ANHX: variants seen among roughly 807,000 people sequenced by gnomAD.
The protein encoded by ANHX is anomalous homeobox protein.
Under a neutral mutation model 38.9 loss-of-function variants are expected in ANHX, and 20 were observed. That is an observed-to-expected ratio of 0.51 (90% confidence interval 0.36 to 0.75). ANHX has a LOEUF of 0.75. Among genes scored for constraint, ANHX ranks in the 30% least tolerant of loss-of-function variants. The pLI is 0.00. For synonymous variants in ANHX, 185 were observed against 203.1 expected, an observed-to-expected ratio of 0.91 and a Z score of 0.76; for missense variants, 475 against 493.1, an observed-to-expected ratio of 0.96 and a Z score of 0.35.
Position 133,218,929 on chromosome 12 carries a change from CCCAGAAGGCATCA to C in ANHX, c.1395_1407del (p.Asp466GlufsTer79). On this transcript the variant is annotated frameshift_variant, in exon 10 of 10. Transcript: ENST00000545940. LOFTEE classifies it high-confidence loss of function. Reference sequence around the variant, plus strand: ...GAAAACTCAAGGAGCATCCTGGCTCCCCAGAAGGCATCACCAGAGGCCTGGCTATCAGAACACT... The same window carrying C: ...GAAAACTCAAGGAGCATCCTGGCTCCCCAGAGGCCTGGCTATCAGAACACT... The C allele has an allele frequency of 2.6e-6, 4 of 1,534,510 alleles. No homozygotes were observed. The highest frequency in any genetic ancestry group is 3.5e-6 in the Non-Finnish European group (4 of 1,145,770).
At chr12:133,232,286 C>T (rs140621162) in intron 2 of ANHX, among the ~76,000 whole-genome samples, 1,693 of 152,346 alleles carry the variant, frequency 0.011, 29 homozygotes, top group African/African-American at 0.038. Flanking sequence ...TCTCCCGTGA[C>T]TCCTGTGTGG....
chr12:133,226,864 C>T (rs920677134), intron 5 of ANHX, 72 bp downstream of exon 5: 1 of 1,368,740 alleles, frequency 7.3e-7, no homozygotes, highest in Non-Finnish European at 9.6e-7. Flanking sequence ...AGCAGTGTGA[C>T]TACCTAGGCC....
At position 133,222,983 on chromosome 12, in the gene ANHX, G is replaced by A. The variant is rs1222680910; in HGVS notation, c.1133-1631C>T. Among the ~76,000 whole-genome samples, 6 of 152,268 alleles carry A rather than the reference G, an allele frequency of 3.9e-5. 1 individual carries two copies. Among genetic ancestry groups the A allele is most frequent in the Admixed American group, 3.9e-4 (6 of 15,294 alleles). On this transcript the variant is annotated intron_variant, in intron 7 of 9. Coordinates refer to ENST00000545940, the MANE Select transcript of ANHX (RefSeq NM_001372060.1). Reference sequence around the variant, plus strand: ...AGGCAGGTGGATTACTTGAGATCAGGAGTTCGAGACCAGCCTGACCAACAT... The same window carrying A: ...AGGCAGGTGGATTACTTGAGATCAGAAGTTCGAGACCAGCCTGACCAACAT...
intron 8 of ANHX, 67 bp from the exon 9 acceptor site, chr12:133,219,434 A>G: frequency 1.8e-6 from 2 of 1,123,708 alleles, no homozygotes; most frequent in Non-Finnish European, 2.5e-6. Flanking sequence ...AAATCCACCC[A>G]GCTGTGCTTT....
intron 3 of ANHX, among the ~76,000 whole-genome samples, 157 bp from the exon 4 acceptor site, chr12:133,228,104 C>T (rs957292997): frequency 2.0e-5 from 3 of 152,174 alleles, no homozygotes; most frequent in Non-Finnish European, 2.9e-5. Flanking sequence ...ACTAGAGTCT[C>T]TTCCACAGAC....
intron 1 of ANHX, chr12:133,235,126 G>A (rs1345216758): frequency 2.6e-5 from 4 of 152,216 alleles, no homozygotes; most frequent in Admixed American, 6.5e-5. Context: ...CCCGTTCCCG[G>A]GCTCTAGCGC....
At chr12:133,220,829 T>C (rs1001384367) in intron 8 of ANHX, among the ~76,000 whole-genome samples, 3 of 152,208 alleles carry the variant, frequency 2.0e-5, no homozygotes, top group Admixed American at 6.5e-5. Context: ...ACGGACGCTG[T>C]TCAAGACCCC....
chr12:133,220,263 A>G (rs938387532), intron 8 of ANHX, among the ~76,000 whole-genome samples: 1 of 152,202 alleles, frequency 6.6e-6, no homozygotes, highest in Non-Finnish European at 1.5e-5. Context: ...TTCAGGTTGA[A>G]GCATGGCCTT....
At chr12:133,234,003 G>A (rs1957324879) in intron 2 of ANHX, 105 bp downstream of exon 2, 4 of 1,416,060 alleles carry the variant, frequency 2.8e-6, no homozygotes, top group Non-Finnish European at 3.7e-6. Flanking sequence ...TGGCCAGTGG[G>A]TTCCTACTAA....
rs1957207998 is a variant in ANHX at position 133,227,694 on chromosome 12, G to A, written c.501+130C>T. On this transcript the variant is annotated intron_variant, in intron 4 of 9. Transcript: ENST00000545940. ...TGCCAATCAACAAGGTCCCTGTCCA[G>A]AGGAGGGGCTGAAACCACCAGCACC... is the stretch of plus-strand genomic sequence containing the variant. The A allele has an allele frequency of 1.3e-5, 14 of 1,055,684 alleles. No homozygotes were observed. In the South Asian group the frequency reaches 2.1e-4, roughly 16 times the overall value. 65.4% of individuals were successfully genotyped at this position (1,055,684 alleles called of 1,614,324 possible).
intron 8 of ANHX, 81 bp from the exon 9 acceptor site, chr12:133,219,448 C>T (rs1957078948): frequency 1.1e-6 from 1 of 904,068 alleles, no homozygotes; most frequent in Non-Finnish European, 1.6e-6. Flanking sequence ...GTGCTTTCTC[C>T]CTCATCAGGA....
intron 8 of ANHX, among the ~76,000 whole-genome samples, chr12:133,220,212 T>G (rs919730545): frequency 6.6e-6 from 1 of 152,096 alleles, no homozygotes; most frequent in Non-Finnish European, 1.5e-5. Flanking sequence ...TACAGCCAAT[T>G]ACACCTCAAT....
rs553442105 is a variant in ANHX, at chr12:133,228,527, C to T, written c.378-580G>A. ...CATGGCCACGCCAGCTTTCTCCCTT[C>T]GTCTCTCACCCCCAAGACCTCCTCC... On this transcript the variant is annotated intron_variant, in intron 3 of 9. Transcript: ENST00000545940. Among the ~76,000 whole-genome samples the T allele has an allele frequency of 3.7e-3, 559 of 152,322 alleles. 2 individuals are homozygous for T. Among genetic ancestry groups the T allele is most frequent in the Non-Finnish European group, 5.2e-3 (353 of 68,024 alleles).
chr12:133,224,596 G>A (rs945700734), intron 7 of ANHX, among the ~76,000 whole-genome samples: 8 of 148,654 alleles, frequency 5.4e-5, no homozygotes, highest in African/African-American at 7.5e-5. Flanking sequence ...CTTGGAGGCA[G>A]AGGTTGCAGT....
chr12:133,224,440 T>G (rs1238872303), intron 7 of ANHX, among the ~76,000 whole-genome samples: 3 of 151,112 alleles, frequency 2.0e-5, no homozygotes, highest in Non-Finnish European at 4.4e-5. Context: ...GGCGGGTGGA[T>G]CCCTTGAGTT....
rs190195084 is a variant in ANHX at position 133,234,532 on chromosome 12, G to A, written c.-22-154C>T. 204 of 820,744 alleles carry A rather than the reference G, an allele frequency of 2.5e-4. No individual in the cohort carries two copies. In the African/African-American group the frequency reaches 3.3e-3, roughly 13 times the overall value. 50.8% of individuals were successfully genotyped at this position (820,744 alleles called of 1,614,324 possible). On this transcript the variant is annotated intron_variant, in intron 1 of 9. Transcript: ENST00000545940. ...TAAGACCTCACACATCCCGAGAGAGGGCAGCACCATAGCATACACCCTCTA... is the reference window on the plus strand; with the variant it reads ...TAAGACCTCACACATCCCGAGAGAGAGCAGCACCATAGCATACACCCTCTA...
chr12:133,221,219 G>C lies in ANHX; in HGVS notation c.1266C>G (p.Phe422Leu). The change falls in exon 8 of 10, where the codon TTC becomes TTG. Residue 422 changes from phenylalanine (F) to leucine (L), a missense_variant. Phe to Leu is a conservative substitution (Grantham distance 22, BLOSUM62 0). Coordinates refer to ENST00000545940, the MANE Select transcript of ANHX (RefSeq NM_001372060.1). The surrounding 1 kb of genome is among the most constrained non-coding windows in gnomAD (Gnocchi z 4.1). Reference sequence around the variant, plus strand: ...TCAGGGCTTACCTCTGGGTGAGGATGAATTCAGGAGCTTGCAGTGGGGGCT... The same window carrying C: ...TCAGGGCTTACCTCTGGGTGAGGATCAATTCAGGAGCTTGCAGTGGGGGCT... ...VTQPPLQAPE[F>L]ILTQSPPELA... The C allele has an allele frequency of 3.9e-6, 6 of 1,536,082 alleles. No homozygotes were observed. Among genetic ancestry groups the C allele is most frequent in the Non-Finnish European group, 4.4e-6 (5 of 1,146,898 alleles).
chr12:133,228,038 T>C, intron 3 of ANHX, 91 bp from the exon 4 acceptor site: 1 of 1,414,792 alleles, frequency 7.1e-7, no homozygotes, highest in South Asian at 1.3e-5. Flanking sequence ...AAGGTGACAC[T>C]TCCTTCCCTG....
chr12:133,225,398 C>T (rs2135558867), intron 7 of ANHX, among the ~76,000 whole-genome samples, 138 bp downstream of exon 7: 1 of 152,268 alleles, frequency 6.6e-6, no homozygotes, highest in South Asian at 2.1e-4. Context: ...TTTGTTCTGG[C>T]TACATTGGTT....
Sources: gnomAD v4.1 joint callset for allele counts (sites outside exome capture counted in the v4.1 genomes callset) on GRCh38, gnomAD v4.1.1 for gene constraint, Gnocchi (gnomAD v3.1) non-coding constraint, MANE v1.5 for transcripts, NCBI Gene and HGNC (gene_info 2026-07-23, HGNC 2026-07-21) for gene names.